The following FBXL7 variants were observed in gnomAD, a reference collection of about 807,000 sequenced individuals.
The protein encoded by FBXL7 is F-box/LRR-repeat protein 7.
FBXL7 carries 12 observed loss-of-function variants against 38.3 expected under a neutral mutation model. The observed-to-expected ratio is 0.31, with a 90% confidence interval of 0.20 to 0.51. The LOEUF (loss-of-function observed/expected upper bound fraction) is 0.51, where lower values mean the gene tolerates loss of function less well. FBXL7 is among the 20% of genes least tolerant of loss of function. The pLI, the probability that FBXL7 is intolerant of heterozygous loss-of-function variation, is 0.98. For missense variants in FBXL7, 567 were observed against 676.4 expected (o/e 0.84, Z 1.79); for synonymous variants, 297 against 300.9 (o/e 0.99, Z 0.13).
chr5:15,580,448 G>A (rs931726895), intron 1 of FBXL7, among the ~76,000 whole-genome samples: 3 of 152,060 alleles, frequency 2.0e-5, no homozygotes. Flanking sequence ...AAGGTCTAGG[G>A]GCCATGTGAT....
At chr5:15,564,933 A>G (rs1738522676) in intron 1 of FBXL7, among the ~76,000 whole-genome samples, 1 of 152,250 alleles carries the variant, frequency 6.6e-6, no homozygotes, top group Non-Finnish European at 1.5e-5. Flanking sequence ...AACATTTTAA[A>G]TCTTTCAGCT....
chr5:15,819,186 A>G (rs1157680594), intron 2 of FBXL7, among the ~76,000 whole-genome samples: 3 of 152,170 alleles, frequency 2.0e-5, no homozygotes, highest in Admixed American at 1.3e-4. Flanking sequence ...GTAGCATGAA[A>G]ATAGCCAGAG....
chr5:15,678,828 G>T (rs1178059415), intron 2 of FBXL7, among the ~76,000 whole-genome samples: 1 of 152,152 alleles, frequency 6.6e-6, no homozygotes, highest in Non-Finnish European at 1.5e-5. Context: ...TGGCCATGTG[G>T]AACTGGGAGT....
intron 2 of FBXL7, among the ~76,000 whole-genome samples, chr5:15,844,902 T>C (rs552439256): frequency 6.6e-5 from 10 of 152,292 alleles, no homozygotes; most frequent in Admixed American, 2.0e-4. Context: ...CAGAAATAGC[T>C]AAGAGTCATG....
chr5:15,527,535 C>T (rs1737286318), intron 1 of FBXL7, among the ~76,000 whole-genome samples: 1 of 152,132 alleles, frequency 6.6e-6, no homozygotes, highest in African/African-American at 2.4e-5. Context: ...CAGAATTTTT[C>T]CTTTTACTTT....
intron 1 of FBXL7, among the ~76,000 whole-genome samples, chr5:15,545,882 T>C (rs1406219373): frequency 6.6e-6 from 1 of 152,178 alleles, no homozygotes; most frequent in African/African-American, 2.4e-5. Context: ...ACTCTTTGAA[T>C]GTTGGGTAGA....
chr5:15,858,247 A>G (rs1739330685), intron 2 of FBXL7, among the ~76,000 whole-genome samples: 1 of 150,340 alleles, frequency 6.7e-6, no homozygotes, highest in Non-Finnish European at 1.5e-5. Context: ...TATATATAAT[A>G]CATATTCAAA....
At chr5:15,798,230 C>A (rs1737467222) in intron 2 of FBXL7, among the ~76,000 whole-genome samples, 1 of 152,160 alleles carries the variant, frequency 6.6e-6, no homozygotes, top group Non-Finnish European at 1.5e-5. Context: ...TGTCTTGAAG[C>A]ACACAGACAC....
At chr5:15,904,892 C>T (rs1741318166) in intron 2 of FBXL7, among the ~76,000 whole-genome samples, 1 of 152,154 alleles carries the variant, frequency 6.6e-6, no homozygotes, top group Non-Finnish European at 1.5e-5. Flanking sequence ...ACTGAATATG[C>T]AACATCGTAG....
In FBXL7 at chr5:15,713,589, G is replaced by T. The variant is rs994120631; in HGVS notation, c.127+97517G>T. 5.3e-5 allele frequency among the ~76,000 whole-genome samples: 8 copies of T among 152,254 alleles called. No homozygotes were observed. The South Asian group carries it at 1.7e-3, about 32-fold the overall frequency. On this transcript the variant is annotated intron_variant, in intron 2 of 3. Transcript: ENST00000504595. ...GTCTTATAGGTTTATATTGGTGAAG[G>T]TCTTGTCTGCTATAAATTAGAGAGA... is the stretch of plus-strand genomic sequence containing the variant.
intron 2 of FBXL7, among the ~76,000 whole-genome samples, chr5:15,777,354 C>G (rs1736881092): frequency 1.3e-5 from 2 of 151,926 alleles, no homozygotes; most frequent in Admixed American, 1.3e-4. Context: ...AATCTTAACT[C>G]CAAAAAGTGT....
rs138788191 is a variant in FBXL7, at chr5:15,796,033, G to A, written c.128-131857G>A. Among the ~76,000 whole-genome samples, 72 of 152,290 alleles carry A rather than the reference G, an allele frequency of 4.7e-4. No individual in the cohort carries two copies. In the East Asian group the frequency reaches 0.014, roughly 29 times the overall value. ...CTATATATTCTCCCTTGAATTGATT[G>A]CCTGCAGAGTAAATTGTTAAATTGT... On this transcript the variant is annotated intron_variant, in intron 2 of 3. Coordinates refer to ENST00000504595, the MANE Select transcript of FBXL7 (RefSeq NM_012304.5).
chr5:15,509,276 T>C (rs1177177092), intron 1 of FBXL7, among the ~76,000 whole-genome samples: 8 of 152,186 alleles, frequency 5.3e-5, no homozygotes, highest in African/African-American at 1.7e-4. Context: ...TTCTTTCTTT[T>C]TTTTTATTCC....
At position 15,570,304 on chromosome 5, in the gene FBXL7, C is replaced by A. The variant is rs561425753; in HGVS notation, c.38-45679C>A. Among the ~76,000 whole-genome samples the A allele has an allele frequency of 4.9e-3, 746 of 152,220 alleles. 4 individuals carry two copies. Among genetic ancestry groups the A allele is most frequent in the African/African-American group, 0.017 (697 of 41,532 alleles). On this transcript the variant is annotated intron_variant, in intron 1 of 3. Transcript: ENST00000504595. ...GTCTATTCAGAGATTCAGCTTCTTC[C>A]TGGTTTAGTCTTGGGAGGGTGTATT...
At chr5:15,825,376 T>G (rs1378220824) in intron 2 of FBXL7, among the ~76,000 whole-genome samples, 1 of 151,988 alleles carries the variant, frequency 6.6e-6, no homozygotes, top group Non-Finnish European at 1.5e-5. Flanking sequence ...CATCTTTATT[T>G]GGAAGAAAAA....
chr5:15,540,639 T>A (rs893451784), intron 1 of FBXL7, among the ~76,000 whole-genome samples: 1 of 152,222 alleles, frequency 6.6e-6, no homozygotes, highest in Non-Finnish European at 1.5e-5. Flanking sequence ...CTTATAGACA[T>A]TTATTCTTTA....
At chr5:15,885,822 C>T (rs1372557575) in intron 2 of FBXL7, among the ~76,000 whole-genome samples, 1 of 152,156 alleles carries the variant, frequency 6.6e-6, no homozygotes, top group Non-Finnish European at 1.5e-5. Flanking sequence ...AATCCTCCTA[C>T]CTCAGCCTCC....
At chr5:15,722,206 A>G (rs1027058239) in intron 2 of FBXL7, among the ~76,000 whole-genome samples, 1 of 152,162 alleles carries the variant, frequency 6.6e-6, no homozygotes, top group Non-Finnish European at 1.5e-5. Flanking sequence ...ATATACTGTA[A>G]ACTTATTGAT....
chr5:15,652,834 T>C (rs1221851915), intron 2 of FBXL7, among the ~76,000 whole-genome samples: 1 of 152,242 alleles, frequency 6.6e-6, no homozygotes, highest in East Asian at 1.9e-4. Context: ...ACAGGGTGAC[T>C]GTAGTCAAAA....
Sources: allele counts gnomAD v4.1 joint callset (sites outside exome capture counted in the v4.1 genomes callset), GRCh38; gene constraint gnomAD v4.1.1; transcripts MANE v1.5; gene names NCBI Gene and HGNC (gene_info 2026-07-23, HGNC 2026-07-21).